The following IQCM variants were observed in gnomAD, a reference collection of about 807,000 sequenced individuals.
IQCM encodes the protein IQ motif containing M.
IQCM carries 45 observed loss-of-function variants against 57.6 expected under a neutral mutation model. That is an observed-to-expected ratio of 0.78 (90% confidence interval 0.62 to 1.00). IQCM has a LOEUF of 1.00. Ranked by LOEUF, IQCM falls within the 50% of genes least tolerant of loss-of-function variation. The pLI, the probability that IQCM is intolerant of heterozygous loss-of-function variation, is 0.00. For missense variants in IQCM, 468 were observed against 511.6 expected (o/e 0.91, Z 0.82); for synonymous variants, 148 against 158.9 (o/e 0.93, Z 0.51).
At chr4:149,517,425 T>C (rs1448949189) in intron 12 of IQCM, among the ~76,000 whole-genome samples, 2 of 152,226 alleles carry the variant, frequency 1.3e-5, no homozygotes, top group Non-Finnish European at 2.9e-5. Flanking sequence ...GCATTTGGGT[T>C]GGGGATTGGT....
chr4:149,471,309 A>T (rs976451983), intron 12 of IQCM, among the ~76,000 whole-genome samples: 1 of 152,216 alleles, frequency 6.6e-6, no homozygotes, highest in Non-Finnish European at 1.5e-5. Flanking sequence ...CCACAGAAAT[A>T]CCAATTACCA....
At chr4:149,597,439 G>C (rs1418504523) in intron 8 of IQCM, among the ~76,000 whole-genome samples, 1 of 152,132 alleles carries the variant, frequency 6.6e-6, no homozygotes, top group Non-Finnish European at 1.5e-5. Context: ...TGCCCAGGCT[G>C]GAGTGCATTG....
intron 8 of IQCM, among the ~76,000 whole-genome samples, chr4:149,607,960 A>T (rs1178621506): frequency 1.3e-5 from 2 of 152,006 alleles, no homozygotes; most frequent in Non-Finnish European, 2.9e-5. Context: ...TAAATTTTCC[A>T]ATCAAAATAC....
chr4:149,395,986 A>G (rs1732198925), intron 13 of IQCM, among the ~76,000 whole-genome samples: 1 of 152,030 alleles, frequency 6.6e-6, no homozygotes, highest in Non-Finnish European at 1.5e-5. Flanking sequence ...CACAAATTTA[A>G]AACAAGTAGG....
chr4:149,800,038 A>T (rs1052381897), intron 2 of IQCM, among the ~76,000 whole-genome samples: 1 of 151,808 alleles, frequency 6.6e-6, no homozygotes, highest in Non-Finnish European at 1.5e-5. Context: ...AGACAAAGAT[A>T]CCAAAAAAGG....
At chr4:149,500,112 T>C (rs1407064693) in intron 12 of IQCM, among the ~76,000 whole-genome samples, 5 of 152,182 alleles carry the variant, frequency 3.3e-5, no homozygotes. Context: ...TACAATTTGG[T>C]TAAGAAATTG....
chr4:149,548,796 A>G (rs537395817), intron 11 of IQCM, among the ~76,000 whole-genome samples: 4 of 152,288 alleles, frequency 2.6e-5, no homozygotes, highest in South Asian at 4.1e-4. Flanking sequence ...TGATTCCCCA[A>G]GATGAATACT....
At chr4:149,359,305 G>A (rs1036016427) in intron 13 of IQCM, among the ~76,000 whole-genome samples, 12 of 151,922 alleles carry the variant, frequency 7.9e-5, no homozygotes, top group South Asian at 2.1e-4. Flanking sequence ...CTATAATACC[G>A]GTATTTTAAA....
chr4:149,571,621 G>C (rs1019885726), intron 9 of IQCM, among the ~76,000 whole-genome samples: 6 of 152,026 alleles, frequency 3.9e-5, no homozygotes, highest in African/African-American at 1.2e-4. Context: ...AAAATGTTAA[G>C]AGCGTGGACA....
intron 13 of IQCM, among the ~76,000 whole-genome samples, chr4:149,405,837 A>C (rs967765633): frequency 6.8e-6 from 1 of 146,658 alleles, no homozygotes; most frequent in African/African-American, 2.5e-5. Context: ...GCATATATAT[A>C]TATATATATA....
intron 12 of IQCM, among the ~76,000 whole-genome samples, chr4:149,504,891 A>T (rs1291485037): frequency 6.6e-6 from 1 of 152,086 alleles, no homozygotes; most frequent in East Asian, 1.9e-4. Flanking sequence ...ACTCTGTCTC[A>T]AAACAACAGA....
intron 8 of IQCM, among the ~76,000 whole-genome samples, chr4:149,619,103 GATGGATATATATAT>G (rs1174874955): frequency 1.9e-5 from 2 of 104,386 alleles, no homozygotes; most frequent in African/African-American, 5.3e-5. Context: ...AAAAATGTGG[GATGGATATATATAT>G]ATATATATAT....
At chr4:149,614,694 A>G (rs1235836854) in intron 8 of IQCM, among the ~76,000 whole-genome samples, 1 of 152,176 alleles carries the variant, frequency 6.6e-6, no homozygotes, top group Non-Finnish European at 1.5e-5. Flanking sequence ...CCACACATAA[A>G]ATACACTAAC....
At chr4:149,568,359 C>T (rs1750834363) in intron 9 of IQCM, among the ~76,000 whole-genome samples, 1 of 152,136 alleles carries the variant, frequency 6.6e-6, no homozygotes, top group Non-Finnish European at 1.5e-5. Flanking sequence ...GATCCTTGAC[C>T]TTGTTACAAT....
chr4:149,619,107 G>GATATATATATATATATACATATAT (rs1756069709), intron 8 of IQCM, among the ~76,000 whole-genome samples: 1 of 126,762 alleles, frequency 7.9e-6, no homozygotes, highest in Non-Finnish European at 1.6e-5. Context: ...ATGTGGGATG[G>GATATATATATATATATACATATAT]ATATATATAT....
At chr4:149,704,396 T>C (rs1764002009) in intron 5 of IQCM, among the ~76,000 whole-genome samples, 1 of 151,910 alleles carries the variant, frequency 6.6e-6, no homozygotes. Flanking sequence ...TAAAGCTTTA[T>C]TGGTACACAG....
At chr4:149,494,813 T>C (rs1348934773) in intron 12 of IQCM, among the ~76,000 whole-genome samples, 3 of 152,090 alleles carry the variant, frequency 2.0e-5, no homozygotes, top group Non-Finnish European at 4.4e-5. Flanking sequence ...ACATATATTA[T>C]TCAAAGCACA....
intron 8 of IQCM, among the ~76,000 whole-genome samples, chr4:149,616,322 G>T (rs1350551640): frequency 6.6e-6 from 1 of 152,172 alleles, no homozygotes; most frequent in East Asian, 1.9e-4. Context: ...AACATGCTGA[G>T]ATAAGCCAGC....
chr4:149,769,163 T>C (rs1770328797), intron 2 of IQCM, among the ~76,000 whole-genome samples: 1 of 152,098 alleles, frequency 6.6e-6, no homozygotes, highest in East Asian at 1.9e-4. Context: ...TAAATATTCA[T>C]GCACGCCAGG....
Sources: gnomAD v4.1 joint callset for allele counts (sites outside exome capture counted in the v4.1 genomes callset) on GRCh38, gnomAD v4.1.1 for gene constraint, MANE v1.5 for transcripts, NCBI Gene and HGNC (gene_info 2026-07-23, HGNC 2026-07-21) for gene names.